The following WDR70 variants were observed in gnomAD, a reference collection of about 807,000 sequenced individuals.
The protein encoded by WDR70 is WD repeat domain 70, also known as WD repeat-containing protein 70.
In WDR70, 53 loss-of-function variants were observed where a neutral mutation model predicts 88.6. The ratio of observed to expected loss-of-function variants is 0.60; its 90% CI spans 0.48 to 0.75. The LOEUF is 0.75. Ranked by LOEUF, WDR70 falls within the 30% of genes least tolerant of loss-of-function variation. WDR70 has a pLI of 0.00. For synonymous variants in WDR70, 280 were observed against 270.0 expected (o/e 1.04, Z -0.36); for missense variants, 610 against 823.2 (o/e 0.74, Z 3.17).
intron 8 of WDR70, among the ~76,000 whole-genome samples, chr5:37,513,509 T>A (rs941615390): frequency 6.6e-6 from 1 of 152,056 alleles, no homozygotes; most frequent in Non-Finnish European, 1.5e-5. Flanking sequence ...GAAAATAAAA[T>A]TCGTTGTGGA....
chr5:37,589,287 C>CACACAT (rs769055006), intron 9 of WDR70, among the ~76,000 whole-genome samples: 2 of 145,028 alleles, frequency 1.4e-5, no homozygotes, highest in South Asian at 4.5e-4. Flanking sequence ...CACACACACA[C>CACACAT]GATATATTTA....
At chr5:37,613,514 T>A (rs747117077) in intron 10 of WDR70, among the ~76,000 whole-genome samples, 17 of 152,192 alleles carry the variant, frequency 1.1e-4, no homozygotes, top group Non-Finnish European at 2.4e-4. Flanking sequence ...AATTCCCTCC[T>A]CTGCTCTATG....
intron 13 of WDR70, among the ~76,000 whole-genome samples, chr5:37,715,844 GTTTTC>G (rs1156977001): frequency 1.3e-5 from 2 of 151,962 alleles, no homozygotes; most frequent in Non-Finnish European, 2.9e-5. Context: ...GTTTTTATCT[GTTTTC>G]TTTTTATTTG....
chr5:37,650,379 C>T (rs888923062), intron 10 of WDR70, among the ~76,000 whole-genome samples: 1 of 151,310 alleles, frequency 6.6e-6, no homozygotes, highest in Admixed American at 6.6e-5. Flanking sequence ...CCAGCCTGGG[C>T]GACAGAGTGA....
chr5:37,633,435 A>G (rs1744871763), intron 10 of WDR70, among the ~76,000 whole-genome samples: 1 of 151,990 alleles, frequency 6.6e-6, no homozygotes, highest in South Asian at 2.1e-4. Flanking sequence ...GTGTAAAATT[A>G]AAACATTTTG....
At chr5:37,416,782 C>T (rs1749770808) in intron 5 of WDR70, among the ~76,000 whole-genome samples, 1 of 152,000 alleles carries the variant, frequency 6.6e-6, no homozygotes, top group African/African-American at 2.4e-5. Flanking sequence ...GTTTTGCCAT[C>T]TTGGCCAGGC....
chr5:37,643,744 C>T (rs1424150931), intron 10 of WDR70, among the ~76,000 whole-genome samples: 1 of 151,830 alleles, frequency 6.6e-6, no homozygotes, highest in Admixed American at 6.6e-5. Flanking sequence ...TTATTTGTAG[C>T]TCTTGTAAAT....
At position 37,509,808 on chromosome 5, in the gene WDR70, T is replaced by TTTTA. The variant is rs759885728; in HGVS notation, c.841-6706_841-6705insTTTA. 5.6e-5 allele frequency among the ~76,000 whole-genome samples: 8 copies of TTTTA among 143,992 alleles called. 1 individual carries two copies. In the South Asian group the frequency reaches 6.6e-4, roughly 12 times the overall value. The allele number at this position is 143,992 out of a possible 152,430, so 94.5% of individuals were successfully genotyped here. A position where few individuals can be genotyped will look rare whatever the true frequency, so the allele number is the denominator to read the frequency against. ...TAGATTCTTTTTTTTTTTTTTTTTTTAACAGACTTTCCTTCACTGGGCAAC... is the reference window on the plus strand; with the variant it reads ...TAGATTCTTTTTTTTTTTTTTTTTTTTTTAAACAGACTTTCCTTCACTGGGCAAC... On this transcript the variant is annotated intron_variant, in intron 8 of 17. Transcript: ENST00000265107.
chr5:37,715,033 A>G (rs1747616287), intron 13 of WDR70, among the ~76,000 whole-genome samples: 1 of 152,152 alleles, frequency 6.6e-6, no homozygotes, highest in African/African-American at 2.4e-5. Context: ...TTGCTGCTTT[A>G]GTGGTTACCT....
At chr5:37,651,882 C>CA (rs1345819552) in intron 10 of WDR70, among the ~76,000 whole-genome samples, 2 of 152,094 alleles carry the variant, frequency 1.3e-5, no homozygotes, top group African/African-American at 4.8e-5. Context: ...GGATAGATTG[C>CA]AAAAATTTTC....
intron 5 of WDR70, among the ~76,000 whole-genome samples, chr5:37,434,761 C>CA (rs939655308): frequency 2.0e-5 from 3 of 151,958 alleles, no homozygotes; most frequent in African/African-American, 7.2e-5. Context: ...TAAGCCAAAA[C>CA]AAAAAATGGT....
At chr5:37,490,854 C>T (rs1740045065) in intron 8 of WDR70, among the ~76,000 whole-genome samples, 1 of 152,088 alleles carries the variant, frequency 6.6e-6, no homozygotes, top group East Asian at 1.9e-4. Flanking sequence ...TTCTGCTGTG[C>T]TGGGTCCAAC....
At chr5:37,395,732 G>A (rs543189738) in intron 4 of WDR70, among the ~76,000 whole-genome samples, 154 of 152,004 alleles carry the variant, frequency 1.0e-3, no homozygotes, top group African/African-American at 3.0e-3. Flanking sequence ...GTTTTTGTCC[G>A]TTACTATTTT....
chr5:37,530,608 C>G (rs1741451542), intron 9 of WDR70, among the ~76,000 whole-genome samples: 1 of 147,944 alleles, frequency 6.8e-6, no homozygotes, highest in Admixed American at 6.6e-5. Flanking sequence ...TTCATAGTAG[C>G]CTTGAATGAT....
At chr5:37,520,942 A>G (rs1741067107) in intron 9 of WDR70, among the ~76,000 whole-genome samples, 1 of 152,252 alleles carries the variant, frequency 6.6e-6, no homozygotes, top group Non-Finnish European at 1.5e-5. Context: ...AATAATTGAT[A>G]CTAATGTTAG....
At chr5:37,652,782 A>G (rs1161000921) in intron 10 of WDR70, among the ~76,000 whole-genome samples, 3 of 152,204 alleles carry the variant, frequency 2.0e-5, no homozygotes, top group Admixed American at 1.3e-4. Context: ...ACTTTTGCAC[A>G]TCAATTTTGT....
At chr5:37,446,869 C>T (rs535425988) in intron 7 of WDR70, among the ~76,000 whole-genome samples, 2 of 152,142 alleles carry the variant, frequency 1.3e-5, no homozygotes, top group Non-Finnish European at 2.9e-5. Flanking sequence ...CCATTCAGGA[C>T]ATAGGCATGG....
intron 8 of WDR70, chr5:37,506,518 T>G (rs1329596081): frequency 1.3e-6 from 1 of 769,982 alleles, no homozygotes; most frequent in African/African-American, 1.7e-5. Flanking sequence ...GCCAGCATAC[T>G]GTCAGGTTCT....
intron 5 of WDR70, among the ~76,000 whole-genome samples, chr5:37,409,384 T>G (rs561972740): frequency 6.6e-6 from 1 of 152,292 alleles, no homozygotes; most frequent in South Asian, 2.1e-4. Context: ...TTGTCAAGCT[T>G]GACTGTGTAT....
Sources: gnomAD v4.1 joint callset for allele counts (sites outside exome capture counted in the v4.1 genomes callset) on GRCh38, gnomAD v4.1.1 for gene constraint, MANE v1.5 for transcripts, NCBI Gene and HGNC (gene_info 2026-07-23, HGNC 2026-07-21) for gene names.